The following DICER1 variants were observed in gnomAD, a reference collection of about 807,000 sequenced individuals.
DICER1 encodes endoribonuclease Dicer.
A neutral mutation model predicts 194.1 loss-of-function variants in DICER1; 43 were observed. The observed-to-expected ratio is 0.22, with a 90% CI of 0.17 to 0.29. DICER1 has a LOEUF of 0.29. Ranked by LOEUF, DICER1 falls within the 10% of genes least tolerant of loss-of-function variation. The probability of loss-of-function intolerance (pLI) is 1.00; values close to 1 mark genes in which losing one functional copy is unlikely to be tolerated. For missense variants in DICER1, 1,608 were observed against 2,317.0 expected, an observed-to-expected ratio of 0.69 and a Z score of 6.28; for synonymous variants, 832 against 820.5, an observed-to-expected ratio of 1.01 and a Z score of -0.24.
At chr14:95,111,284 C>G (rs1283264863) in intron 14 of DICER1, 33 bp downstream of exon 14, 5 of 1,613,676 alleles carry the variant, frequency 3.1e-6, no homozygotes, top group Admixed American at 1.7e-5. Flanking sequence ...GTCAGAAATG[C>G]TAGGTTTTTA....
At chr14:95,113,538 T>C (rs1892169393) in intron 11 of DICER1, among the ~76,000 whole-genome samples, 1 of 152,250 alleles carries the variant, frequency 6.6e-6, no homozygotes, top group African/African-American at 2.4e-5. Context: ...AATAGTAACA[T>C]GTGTCGAGTG....
chr14:95,108,620 G>A, intron 14 of DICER1, 117 bp from the exon 15 acceptor site: 1 of 933,314 alleles, frequency 1.1e-6, no homozygotes, highest in East Asian at 2.6e-5. Context: ...AATAAGCTAA[G>A]AAAATACCCG....
chr14:95,087,798 A>G lies in DICER1; in HGVS notation c.*2700T>C. 1 of 233,262 alleles carries G rather than the reference A, an allele frequency of 4.3e-6. No individual in the cohort carries two copies. The highest frequency in any genetic ancestry group is 8.5e-6 in the Non-Finnish European group (1 of 118,044). 14.4% of individuals were successfully genotyped at this position (233,262 alleles called of 1,614,324 possible). ...TCAAGACACGCCTCCCCAGTCCTTTACACACGTGCTCAGGGCACAACCACA... is the reference window on the plus strand; with the variant it reads ...TCAAGACACGCCTCCCCAGTCCTTTGCACACGTGCTCAGGGCACAACCACA... On this transcript the variant is annotated 3_prime_UTR_variant, in exon 27 of 27. Transcript: ENST00000343455.
At position 95,087,189 on chromosome 14, in the gene DICER1, C is replaced by T. The variant is rs1889403730; in HGVS notation, c.*3309G>A. 4.3e-6 allele frequency: 1 copy of T among 233,178 alleles called. No individual in the cohort carries two copies. The highest frequency in any genetic ancestry group is 2.2e-5 in the African/African-American group (1 of 45,312). The allele number at this position is 233,178 out of a possible 1,614,324, so 14.4% of individuals were successfully genotyped here. A position where few individuals can be genotyped will look rare whatever the true frequency, so the allele number is the denominator to read the frequency against. ...CACCTGGATTCATGAACCAAAGCAG[C>T]CTCAAGTTTCATGTTGTCAAGGCAG... is the stretch of plus-strand genomic sequence containing the variant. On this transcript the variant is annotated 3_prime_UTR_variant, in exon 27 of 27. Coordinates refer to ENST00000343455, the MANE Select transcript of DICER1 (RefSeq NM_177438.3).
rs775736832 is a variant in DICER1 at position 95,099,752 on chromosome 14, ACACACACACACACACACAC to A, written c.4206+9_4206+27del. 1,526 of 1,607,250 alleles carry A rather than the reference ACACACACACACACACACAC, an allele frequency of 9.5e-4. 18 individuals are homozygous for A. In the African/African-American group the frequency reaches 0.018, roughly 19 times the overall value. On this transcript the variant is annotated intron_variant, in intron 22 of 26. Coordinates refer to ENST00000343455, the MANE Select transcript of DICER1 (RefSeq NM_177438.3). ...CAGTTACACACACACACACACACAC[ACACACACACACACACACAC>A]AAACTTACCATTTCATCTTTTTCCC...
intron 6 of DICER1, among the ~76,000 whole-genome samples, chr14:95,127,007 A>G (rs753469376): frequency 6.6e-6 from 1 of 152,224 alleles, no homozygotes; most frequent in Non-Finnish European, 1.5e-5. Flanking sequence ...CAAGGGGAGA[A>G]GAGGGGAAAG....
Position 95,108,470 on chromosome 14 carries a change from G to T in DICER1, c.2290C>A (p.Pro764Thr). 6.2e-7 allele frequency: 1 copy of T among 1,614,110 alleles called. No homozygotes were observed. The highest frequency in any genetic ancestry group is 8.5e-7 in the Non-Finnish European group (1 of 1,180,016). ...PECLRDSYPR[P>T]DQPCYLYVIG... Reference sequence around the variant, plus strand: ...ACATACAGGTAACAGGGCTGATCAGGTCTGGGATAACTATCCCTCAAACAC... The same window carrying T: ...ACATACAGGTAACAGGGCTGATCAGTTCTGGGATAACTATCCCTCAAACAC... Residue 764 changes from proline (P) to threonine (T), a missense_variant, in exon 15 of 27, where the codon CCT becomes ACT. Physicochemically the swap from Pro to Thr is conservative, Grantham distance 38. Around this residue, in one of 10 missense-constraint regions of DICER1, gnomAD observed 657 missense variants for 910.1 expected, o/e 0.72. Transcript: ENST00000343455.
At chr14:95,092,855 T>C (rs554883065) in intron 24 of DICER1, among the ~76,000 whole-genome samples, 55 of 152,344 alleles carry the variant, frequency 3.6e-4, no homozygotes, top group Non-Finnish European at 7.1e-4. Flanking sequence ...TAGGTAACAC[T>C]TGGAAGTCTA....
chr14:95,103,307 GAAT>G, intron 21 of DICER1, 36 bp downstream of exon 21: 1 of 1,598,400 alleles, frequency 6.3e-7, no homozygotes, highest in Non-Finnish European at 8.6e-7. Flanking sequence ...CAGGCACACT[GAAT>G]AATTAACTGC....
At chr14:95,117,584 GA>G in intron 9 of DICER1, 37 bp downstream of exon 9, 1 of 1,612,234 alleles carries the variant, frequency 6.2e-7, no homozygotes, top group Non-Finnish European at 8.5e-7. Context: ...TATATGTCCC[GA>G]AAACTGTTAT....
At chr14:95,091,402 G>C in intron 24 of DICER1, 37 bp from the exon 25 acceptor site, 1 of 1,604,664 alleles carries the variant, frequency 6.2e-7, no homozygotes, top group Non-Finnish European at 8.5e-7. Flanking sequence ...AAGCAAAAAG[G>C]CCACTTTTAC....
intron 14 of DICER1, among the ~76,000 whole-genome samples, chr14:95,109,647 T>C (rs913617683): frequency 1.3e-5 from 2 of 152,262 alleles, no homozygotes; most frequent in African/African-American, 4.8e-5. Flanking sequence ...GTAACATTCA[T>C]GATTTTTTAA....
chr14:95,090,933 T>C, intron 26 of DICER1, 101 bp downstream of exon 26: 1 of 1,165,826 alleles, frequency 8.6e-7, no homozygotes, highest in Non-Finnish European at 1.3e-6. Context: ...CACACCACAG[T>C]GTAAATATTT....
intron 17 of DICER1, among the ~76,000 whole-genome samples, chr14:95,106,798 G>C (rs909125763): frequency 6.6e-6 from 1 of 151,858 alleles, no homozygotes; most frequent in African/African-American, 2.4e-5. Flanking sequence ...AATCATTCTG[G>C]ATTTACTATT....
At chr14:95,100,132 G>GGGAATTACA (rs1240089495) in intron 21 of DICER1, among the ~76,000 whole-genome samples, 197 bp from the exon 22 acceptor site, 9 of 151,362 alleles carry the variant, frequency 5.9e-5, no homozygotes, top group Non-Finnish European at 1.3e-4. Flanking sequence ...CATATTCTAT[G>GGGAATTACA]CTTTTTTGGT....
In DICER1 at chr14:95,099,873, C is replaced by T. The variant is rs1237506014; in HGVS notation, c.4113G>A (p.Val1371=). The change falls in exon 22 of 27, where the codon GTG becomes GTA. Residue 1371 remains valine, a synonymous_variant. Transcript: ENST00000343455. The stretch of plus-strand genomic sequence containing the variant: ...AATTCACAGGGGGATCAAATATTGA[C>T]ACCACCATGCGGCTGGGTAGTCCCT... ...KKKGLPSRMV[V]SIFDPPVNWL... 3.1e-6 allele frequency: 5 copies of T among 1,613,948 alleles called. No homozygotes were observed. The highest frequency in any genetic ancestry group is 1.7e-5 in the Admixed American group (1 of 59,990).
rs2139845205 is a variant in DICER1, at chr14:95,096,217, C to G, written c.4703G>C (p.Gly1568Ala). 1 of 1,614,200 alleles carries G rather than the reference C, an allele frequency of 6.2e-7. No individual in the cohort carries two copies. The change falls in exon 23 of 27, where the codon GGC becomes GCC. Residue 1568 changes from glycine to alanine, a missense_variant. Transcript: ENST00000343455. ...SIADCVEALL[G>A]CYLTSCGERA... ...CTCCCCACAGCTGGTTAAATAGCAGCCCAGCAGGGCTTCCACACAGTCCGC... is the reference window on the plus strand; with the variant it reads ...CTCCCCACAGCTGGTTAAATAGCAGGCCAGCAGGGCTTCCACACAGTCCGC...
chr14:95,140,468 T>C (rs1894758458), intron 1 of DICER1, among the ~76,000 whole-genome samples: 1 of 152,214 alleles, frequency 6.6e-6, no homozygotes, highest in African/African-American at 2.4e-5. Flanking sequence ...AGGTGTATAA[T>C]AGGCTATACC....
In DICER1 at chr14:95,105,271, A is replaced by G. The variant is rs1210419985; in HGVS notation, c.3094-25T>C. 30 of 1,602,328 alleles carry G rather than the reference A, an allele frequency of 1.9e-5. No individual in the cohort carries two copies. Among genetic ancestry groups the G allele is most frequent in the Non-Finnish European group, 2.6e-5 (30 of 1,169,318 alleles). ...TCTTCAAGTAAGGGGAAAAATGGACAGATAAATACAAAGCGCACACACAAA... is the reference window on the plus strand; with the variant it reads ...TCTTCAAGTAAGGGGAAAAATGGACGGATAAATACAAAGCGCACACACAAA... On this transcript the variant is annotated intron_variant, in intron 19 of 26. Coordinates refer to ENST00000343455, the MANE Select transcript of DICER1 (RefSeq NM_177438.3). The surrounding 1 kb of genome is among the most constrained non-coding windows in gnomAD (Gnocchi z 4.9).
Sources: gnomAD v4.1 joint callset for allele counts (sites outside exome capture counted in the v4.1 genomes callset) on GRCh38, gnomAD v4.1.1 for gene constraint, gnomAD v4.1.1 regional missense constraint, Gnocchi (gnomAD v3.1) non-coding constraint, MANE v1.5 for transcripts, NCBI Gene and HGNC (gene_info 2026-07-23, HGNC 2026-07-21) for gene names.